The following BCL6 variants were observed in gnomAD, a reference collection of about 807,000 sequenced individuals.
The protein encoded by BCL6 is BCL6 transcription repressor, also known as B-cell lymphoma 6 protein.
In BCL6, 7 loss-of-function variants were observed where a neutral mutation model predicts 59.5. That is an observed-to-expected ratio of 0.12 (90% confidence interval 0.07 to 0.22). The LOEUF (loss-of-function observed/expected upper bound fraction) is 0.22, where lower values mean the gene tolerates loss of function less well. Among genes scored for constraint, BCL6 ranks in the 10% least tolerant of loss-of-function variants. The probability of loss-of-function intolerance (pLI) is 1.00; values close to 1 mark genes in which losing one functional copy is unlikely to be tolerated. For missense variants in BCL6, 685 were observed against 939.4 expected (o/e 0.73, Z 3.54); for synonymous variants, 339 against 349.7 (o/e 0.97, Z 0.34).
At chr3:187,736,466 T>C (rs1354772811) in intron 1 of BCL6, 1 of 152,230 alleles carries the variant, frequency 6.6e-6, no homozygotes, top group Admixed American at 6.5e-5. Flanking sequence ...ATACCTAGGC[T>C]GTTCTTTAAC....
intron 1 of BCL6, among the ~76,000 whole-genome samples, chr3:187,742,989 A>G (rs1039632153): frequency 2.0e-5 from 3 of 151,450 alleles, no homozygotes; most frequent in Non-Finnish European, 1.5e-5. Flanking sequence ...AGCAAAATAG[A>G]TACCTGTCTC....
Position 187,722,304 on chromosome 3 carries a change from G to GGGCCC in BCL6, c.*153_*154insGGGCC. 14 of 309,220 alleles carry GGGCCC rather than the reference G, an allele frequency of 4.5e-5. No individual in the cohort carries two copies. Among genetic ancestry groups the GGGCCC allele is most frequent in the East Asian group, 5.6e-5 (1 of 17,928 alleles). The allele number at this position is 309,220 out of a possible 1,614,324, so 19.2% of individuals were successfully genotyped here. On this transcript the variant is annotated 3_prime_UTR_variant, in exon 10 of 10. Transcript: ENST00000406870. ...GCTGCTGCGGCTCCCAGTCCCCCAGGCCCCGACCCCCACCACCCCCAACCC... is the reference window on the plus strand; with the variant it reads ...GCTGCTGCGGCTCCCAGTCCCCCAGGGGCCCCCCCGACCCCCACCACCCCCAACCC...
chr3:187,743,885 T>C (rs533312193), intron 1 of BCL6, among the ~76,000 whole-genome samples: 1 of 152,266 alleles, frequency 6.6e-6, no homozygotes, highest in East Asian at 1.9e-4. Context: ...CGCAATCTAT[T>C]TTTGCAAAAT....
At chr3:187,728,717 G>A (rs986635565) in intron 5 of BCL6, among the ~76,000 whole-genome samples, 173 bp from the exon 6 acceptor site, 7 of 152,066 alleles carry the variant, frequency 4.6e-5, no homozygotes, top group African/African-American at 1.7e-4. Flanking sequence ...AAAGATCACT[G>A]ACCAGGGTCA....
intron 6 of BCL6, among the ~76,000 whole-genome samples, 168 bp from the exon 7 acceptor site, chr3:187,727,066 A>G (rs149106652): frequency 2.0e-4 from 31 of 152,238 alleles, no homozygotes; most frequent in Non-Finnish European, 3.8e-4. Flanking sequence ...TGGGGACTTT[A>G]TTTTTCTTAT....
chr3:187,744,178 A>C (rs550525933), intron 1 of BCL6, among the ~76,000 whole-genome samples: 1 of 152,300 alleles, frequency 6.6e-6, no homozygotes, highest in African/African-American at 2.4e-5. Context: ...GGGAGCCAAC[A>C]CAGAGTCACG....
chr3:187,741,577 C>G (rs1427819823), intron 1 of BCL6, among the ~76,000 whole-genome samples: 8 of 152,146 alleles, frequency 5.3e-5, no homozygotes, highest in Non-Finnish European at 1.5e-5. Flanking sequence ...GGGGCCGTTC[C>G]TGGTTTCCAC....
chr3:187,738,940 G>T (rs1452286590), intron 1 of BCL6, among the ~76,000 whole-genome samples: 1 of 152,184 alleles, frequency 6.6e-6, no homozygotes. Flanking sequence ...TGGAAATTAG[G>T]AGTCCCGTGG....
At position 187,745,134 on chromosome 3, in the gene BCL6, A is replaced by G. The variant is rs1576886355; in HGVS notation, c.-50+276T>C. On this transcript the variant is annotated intron_variant, in intron 1 of 9. Transcript: ENST00000406870. ...CTCAAAGACAACAATAATAATAATA[A>G]ATACATAACAATCTATATCCTATGG... Among the ~76,000 whole-genome samples, 7 of 152,212 alleles carry G rather than the reference A, an allele frequency of 4.6e-5. No homozygotes were observed. In the East Asian group the frequency reaches 5.8e-4, roughly 13 times the overall value.
chr3:187,736,038 G>A (rs1170505940), intron 1 of BCL6: 1 of 152,134 alleles, frequency 6.6e-6, no homozygotes, highest in Non-Finnish European at 1.5e-5. Flanking sequence ...TCATTTTTAA[G>A]TTCCTTCCCC....
intron 9 of BCL6, 35 bp downstream of exon 9, chr3:187,724,906 G>A (rs766240312): frequency 8.9e-6 from 14 of 1,577,540 alleles, no homozygotes; most frequent in African/African-American, 1.4e-5. Flanking sequence ...CCACATCCCC[G>A]CAGGTCAGAG....
chr3:187,744,968 C>T (rs1576886022), intron 1 of BCL6, among the ~76,000 whole-genome samples: 1 of 152,054 alleles, frequency 6.6e-6, no homozygotes, highest in South Asian at 2.1e-4. Context: ...CAGACTAGCC[C>T]GAATCACCCC....
chr3:187,736,118 C>G (rs1009247249), intron 1 of BCL6: 1 of 152,202 alleles, frequency 6.6e-6, no homozygotes, highest in Admixed American at 6.5e-5. Flanking sequence ...TGAGAGGTTT[C>G]CTTGAGTCTG....
At chr3:187,739,669 C>T (rs1318421264) in intron 1 of BCL6, among the ~76,000 whole-genome samples, 1 of 152,140 alleles carries the variant, frequency 6.6e-6, no homozygotes, top group Non-Finnish European at 1.5e-5. Context: ...GCAGAAGGGA[C>T]GTTCCCCATA....
intron 1 of BCL6, 101 bp downstream of exon 1, chr3:187,745,309 A>G (rs573157591): frequency 2.5e-6 from 1 of 399,968 alleles, no homozygotes; most frequent in African/African-American, 2.1e-5. Context: ...TTAAAAGGTA[A>G]AATAATGATC....
At chr3:187,744,112 G>C (rs145935014) in intron 1 of BCL6, among the ~76,000 whole-genome samples, 5 of 152,196 alleles carry the variant, frequency 3.3e-5, no homozygotes, top group South Asian at 4.1e-4. Context: ...TTTTTACAGA[G>C]CTTGCACCAT....
At chr3:187,745,213 A>T in intron 1 of BCL6, among the ~76,000 whole-genome samples, 197 bp downstream of exon 1, 1 of 152,212 alleles carries the variant, frequency 6.6e-6, no homozygotes, top group East Asian at 1.9e-4. Context: ...TGACAGCTAG[A>T]ATAAATAAAT....
intron 1 of BCL6, among the ~76,000 whole-genome samples, chr3:187,735,776 C>A (rs1345639326): frequency 6.6e-6 from 1 of 152,100 alleles, no homozygotes; most frequent in Non-Finnish European, 1.5e-5. Context: ...GTGTAAGACC[C>A]TCATTTATGA....
rs374814697 is a variant in BCL6, at chr3:187,729,837, T to C, written c.568A>G (p.Thr190Ala). ...FAPSLYSGLSTPPASYSMYSH... is the reference protein window; with the variant it reads ...FAPSLYSGLSAPPASYSMYSH... ...TACATGGAATAAGAGGCTGGCGGTG[T>C]GGACAGGCCACTGTACAGGCTGGGG... The change falls in exon 5 of 10, where the codon ACA (threonine) becomes GCA (alanine). Residue 190 changes from threonine to alanine, a missense_variant. Around this residue, in one of 7 missense-constraint regions of BCL6, gnomAD observed 268 missense variants for 263.8 expected, o/e 1.02. Transcript: ENST00000406870. The surrounding 1 kb of genome is among the most constrained non-coding windows in gnomAD (Gnocchi z 5.6). 1.3e-4 allele frequency: 208 copies of C among 1,613,842 alleles called. 1 individual carries two copies. The highest frequency in any genetic ancestry group is 2.3e-4 in the Admixed American group (14 of 59,994).
Sources: gnomAD v4.1 joint callset for allele counts (sites outside exome capture counted in the v4.1 genomes callset) on GRCh38, gnomAD v4.1.1 for gene constraint, gnomAD v4.1.1 regional missense constraint, Gnocchi (gnomAD v3.1) non-coding constraint, MANE v1.5 for transcripts, NCBI Gene and HGNC (gene_info 2026-07-23, HGNC 2026-07-21) for gene names.